HNRNPH1: variants seen among roughly 807,000 people sequenced by gnomAD.
HNRNPH1 encodes heterogeneous nuclear ribonucleoprotein H1, also known as heterogeneous nuclear ribonucleoprotein H.
HNRNPH1 carries 4 observed loss-of-function variants against 58.6 expected under a neutral mutation model. The ratio of observed to expected loss-of-function variants is 0.07; its 90% CI spans 0.03 to 0.16. The LOEUF is 0.16. Ranked by LOEUF, HNRNPH1 falls within the 10% of genes least tolerant of loss-of-function variation. HNRNPH1 has a pLI of 1.00. For missense variants in HNRNPH1, 271 were observed against 564.2 expected, an observed-to-expected ratio of 0.48 and a Z score of 5.26; for synonymous variants, 192 against 189.2, an observed-to-expected ratio of 1.01 and a Z score of -0.12.
chr5:179,623,148 T>C (rs749873663), exon 1 of HNRNPH1: 1 of 1,590,158 alleles, frequency 6.3e-7, no homozygotes, highest in Admixed American at 1.7e-5. Flanking sequence ...TCTTACGCGG[T>C]CCGGCGTCGA....
intron 2 of HNRNPH1, among the ~76,000 whole-genome samples, chr5:179,632,593 GCCCGACGGCCACCTGAGGAGGGAC>G (rs1774934867): frequency 6.6e-6 from 1 of 152,200 alleles, no homozygotes; most frequent in Non-Finnish European, 1.5e-5. Context: ...AGAAGGGTCT[GCCCGACGGCCACCTGAGGAGGGAC>G]CGAGCACGCC....
intron 2 of HNRNPH1, among the ~76,000 whole-genome samples, chr5:179,633,461 A>ATTTT (rs762139490): frequency 1.9e-4 from 20 of 102,570 alleles, no homozygotes; most frequent in East Asian, 5.7e-4. Context: ...CACCCGGCTA[A>ATTTT]TTTTTTTTTT....
At chr5:179,621,669 C>T (rs1772405176) in intron 1 of HNRNPH1, 2 of 473,352 alleles carry the variant, frequency 4.2e-6, no homozygotes, top group African/African-American at 3.9e-5. Flanking sequence ...CTCATGTCTA[C>T]ATCACACATC....
intron 10 of HNRNPH1, chr5:179,616,523 C>A (rs922355431): frequency 1.9e-6 from 1 of 514,384 alleles, no homozygotes; most frequent in African/African-American, 1.9e-5. Flanking sequence ...TAGTGGGTTC[C>A]CCCTCAGTTT....
Position 179,632,109 on chromosome 5 carries a change from A to G in HNRNPH1, c.-32+1956T>C, listed in dbSNP as rs1210779409. 3.9e-5 allele frequency among the ~76,000 whole-genome samples: 6 copies of G among 152,132 alleles called. No individual in the cohort carries two copies. The East Asian group carries it at 1.2e-3, about 30-fold the overall frequency. ...ATCACGAGGTCAGGAGATCGAGACC[A>G]TCCCGGCTAACACGGTGAAACCCCG... On this transcript the variant is annotated intron_variant, in intron 2 of 4. Coordinates refer to the HNRNPH1 transcript ENST00000521116.
intron 2 of HNRNPH1, among the ~76,000 whole-genome samples, chr5:179,633,431 G>A (rs1018272925): frequency 6.6e-6 from 1 of 150,626 alleles, no homozygotes; most frequent in Non-Finnish European, 1.5e-5. Context: ...GAGTAGCTGG[G>A]ACTACAGGCA....
intron 2 of HNRNPH1, among the ~76,000 whole-genome samples, chr5:179,630,527 T>C (rs542732689): frequency 6.6e-6 from 1 of 152,152 alleles, no homozygotes; most frequent in South Asian, 2.1e-4. Flanking sequence ...TTAAGAGAGC[T>C]GGAAAGGATG....
At chr5:179,625,805 G>A (rs893073363), upstream of HNRNPH1, among the ~76,000 whole-genome samples, 3 of 152,088 alleles carry the variant, frequency 2.0e-5, no homozygotes, top group East Asian at 3.9e-4. Context: ...GACACAGCCC[G>A]TCACCCAGGC....
intron 4 of HNRNPH1, 136 bp downstream of exon 5, chr5:179,619,133 C>G (rs1460843788): frequency 3.9e-6 from 3 of 778,146 alleles, no homozygotes; most frequent in Non-Finnish European, 4.0e-6. Context: ...GGGACTGACA[C>G]AAGTTTGGAA....
intron 2 of HNRNPH1, among the ~76,000 whole-genome samples, chr5:179,630,303 C>T (rs1012427388): frequency 6.6e-6 from 1 of 152,034 alleles, no homozygotes; most frequent in African/African-American, 2.4e-5. Flanking sequence ...GAGCTGAAAT[C>T]TTGCCATTGC....
chr5:179,627,931 A>G (rs1409088054), upstream of HNRNPH1, among the ~76,000 whole-genome samples: 8 of 149,156 alleles, frequency 5.4e-5, no homozygotes, highest in African/African-American at 2.0e-4. Flanking sequence ...CAAAAAAAAA[A>G]AAAGGAAAAA....
At chr5:179,622,019 A>G in intron 1 of HNRNPH1, 1 of 455,658 alleles carries the variant, frequency 2.2e-6, no homozygotes, top group Non-Finnish European at 4.4e-6. Flanking sequence ...GTCTTGCCAA[A>G]AGCTGTTAAT....
intron 11 of HNRNPH1, chr5:179,615,820 GA>G: frequency 1.9e-6 from 1 of 520,888 alleles, no homozygotes; most frequent in South Asian, 3.1e-5. Context: ...TTAATACATG[GA>G]GGCAGATATT....
intron 11 of HNRNPH1, 167 bp from the exon 13 acceptor site, chr5:179,615,762 C>CTT: frequency 1.9e-6 from 1 of 530,564 alleles, no homozygotes; most frequent in Non-Finnish European, 3.4e-6. Flanking sequence ...CTAAAACTGA[C>CTT]TTAATGCTAA....
At chr5:179,633,923 T>TAAAATAAAATA (rs1554137357) in intron 2 of HNRNPH1, 1 of 147,540 alleles carries the variant, frequency 6.8e-6, no homozygotes, top group African/African-American at 2.5e-5. Context: ...GTCTCTAAAA[T>TAAAATAAAATA]AAATAAAATA....
intron 2 of HNRNPH1, among the ~76,000 whole-genome samples, chr5:179,630,377 AAAAAG>A (rs1325332495): frequency 2.0e-5 from 3 of 151,608 alleles, no homozygotes; most frequent in East Asian, 3.9e-4. Context: ...AAAGAAAAAG[AAAAAG>A]AAAAGAAAAT....
chr5:179,619,601 C>T (rs1431386941), intron 3 of HNRNPH1, 194 bp from the exon 5 acceptor site: 2 of 500,782 alleles, frequency 4.0e-6, no homozygotes, highest in African/African-American at 1.9e-5. Flanking sequence ...CTATTCTTAA[C>T]ACACCCATGG....
chr5:179,619,084 G>A (rs1484183763), intron 4 of HNRNPH1, 185 bp downstream of exon 5: 3 of 511,960 alleles, frequency 5.9e-6, no homozygotes, highest in Non-Finnish European at 1.0e-5. Flanking sequence ...ATTAACTAGG[G>A]ACAAATTTCA....
At chr5:179,615,546 C>T in exon 12 of HNRNPH1, 1 of 1,484,522 alleles carries the variant, frequency 6.7e-7, no homozygotes. Flanking sequence ...AAATATTTAC[C>T]TATGCAATGT....
Sources: gnomAD v4.1 joint callset for allele counts (sites outside exome capture counted in the v4.1 genomes callset) on GRCh38, gnomAD v4.1.1 for gene constraint, MANE v1.5 for transcripts, NCBI Gene and HGNC (gene_info 2026-07-23, HGNC 2026-07-21) for gene names.